The following CMTM8 variants were observed in gnomAD, a reference collection of about 807,000 sequenced individuals.
The protein encoded by CMTM8 is CKLF-like MARVEL transmembrane domain-containing protein 8.
A neutral mutation model predicts 18.6 loss-of-function variants in CMTM8; 12 were observed. The ratio of observed to expected loss-of-function variants is 0.65; its 90% CI spans 0.41 to 1.05. The LOEUF (loss-of-function observed/expected upper bound fraction) is 1.05, where lower values mean the gene tolerates loss of function less well. Ranked by LOEUF, CMTM8 falls within the 50% of genes least tolerant of loss-of-function variation. The pLI, the probability that CMTM8 is intolerant of heterozygous loss-of-function variation, is 0.00. For synonymous variants in CMTM8, 87 were observed against 90.6 expected (o/e 0.96, Z 0.23); for missense variants, 217 against 227.2 (o/e 0.95, Z 0.29).
At chr3:32,247,087 T>A (rs1431041878) in intron 1 of CMTM8, among the ~76,000 whole-genome samples, 1 of 152,096 alleles carries the variant, frequency 6.6e-6, no homozygotes, top group African/African-American at 2.4e-5. Context: ...CGTGACAGAG[T>A]GAGACTATGT....
chr3:32,253,675 G>T (rs369251884), intron 1 of CMTM8, among the ~76,000 whole-genome samples: 1 of 151,766 alleles, frequency 6.6e-6, no homozygotes, highest in African/African-American at 2.4e-5. Flanking sequence ...TAAACTAATC[G>T]TGGTAATTTA....
rs566916500 is a variant in CMTM8 at position 32,319,338 on chromosome 3, C to G, written c.148-38035C>G. Among the ~76,000 whole-genome samples, 480 of 151,784 alleles carry G rather than the reference C, an allele frequency of 3.2e-3. 6 individuals are homozygous for G. Among genetic ancestry groups the G allele is most frequent in the Admixed American group, 5.5e-3 (84 of 15,232 alleles). ...AGGTGATCCGCCCACCTCGGCCTCC[C>G]AAAGTCCTGGGATTACAGGCCTGAG... On this transcript the variant is annotated intron_variant, in intron 1 of 3. Coordinates refer to ENST00000307526, the MANE Select transcript of CMTM8 (RefSeq NM_178868.5).
chr3:32,281,075 C>T (rs1369693782), intron 1 of CMTM8, among the ~76,000 whole-genome samples: 1 of 152,080 alleles, frequency 6.6e-6, no homozygotes, highest in Non-Finnish European at 1.5e-5. Context: ...CCCCAAGCCC[C>T]ATCTCTGCAT....
At chr3:32,274,344 T>A (rs999801867) in intron 1 of CMTM8, among the ~76,000 whole-genome samples, 1 of 152,170 alleles carries the variant, frequency 6.6e-6, no homozygotes, top group Non-Finnish European at 1.5e-5. Context: ...TTGTTTCATT[T>A]GGGAGGATAC....
At chr3:32,256,368 C>G (rs1214875370) in intron 1 of CMTM8, among the ~76,000 whole-genome samples, 3 of 152,118 alleles carry the variant, frequency 2.0e-5, no homozygotes, top group African/African-American at 7.2e-5. Context: ...CTGTACCTGG[C>G]TGCATTCAGT....
chr3:32,345,132 C>G (rs1696571000), intron 1 of CMTM8, among the ~76,000 whole-genome samples: 1 of 152,060 alleles, frequency 6.6e-6, no homozygotes, highest in South Asian at 2.1e-4. Context: ...TCACTTGAGC[C>G]TAAGAGTTCA....
chr3:32,242,347 A>T (rs1559359447), intron 1 of CMTM8, among the ~76,000 whole-genome samples: 2 of 152,186 alleles, frequency 1.3e-5, no homozygotes, highest in African/African-American at 2.4e-5. Context: ...GTTTTGTTTG[A>T]GACAGTGTCT....
intron 1 of CMTM8, among the ~76,000 whole-genome samples, chr3:32,270,280 G>T (rs1050048394): frequency 6.6e-6 from 1 of 152,136 alleles, no homozygotes; most frequent in African/African-American, 2.4e-5. Context: ...TTAAGAAATA[G>T]AACATTACCA....
At chr3:32,359,902 T>G (rs936876669) in intron 2 of CMTM8, among the ~76,000 whole-genome samples, 1 of 152,148 alleles carries the variant, frequency 6.6e-6, no homozygotes, top group Non-Finnish European at 1.5e-5. Flanking sequence ...TTGCACAGAT[T>G]TACACACAGC....
intron 1 of CMTM8, among the ~76,000 whole-genome samples, chr3:32,280,845 G>GAA (rs1702596795): frequency 3.1e-5 from 1 of 32,696 alleles, no homozygotes; most frequent in Non-Finnish European, 6.0e-5. Flanking sequence ...GAGAAAATAG[G>GAA]CAAAAAAAAA....
chr3:32,323,567 G>A (rs578078522), intron 1 of CMTM8, among the ~76,000 whole-genome samples: 40 of 152,232 alleles, frequency 2.6e-4, no homozygotes, highest in East Asian at 1.9e-4. Context: ...ACCAGAGACC[G>A]AATCATCACA....
intron 1 of CMTM8, among the ~76,000 whole-genome samples, chr3:32,257,996 T>C (rs1394681626): frequency 6.6e-6 from 1 of 152,164 alleles, no homozygotes; most frequent in Non-Finnish European, 1.5e-5. Flanking sequence ...TTGAAGCATC[T>C]GGAAATCTCA....
intron 1 of CMTM8, among the ~76,000 whole-genome samples, chr3:32,318,727 T>C (rs1293454162): frequency 6.6e-6 from 1 of 151,536 alleles, no homozygotes; most frequent in Non-Finnish European, 1.5e-5. Context: ...CCACCACGCC[T>C]GGCTAATTTT....
rs1390000752 is a variant in CMTM8, at chr3:32,370,003, A to C, written c.*36A>C. 1 of 1,290,366 alleles carries C rather than the reference A, an allele frequency of 7.7e-7. No individual in the cohort carries two copies. Among genetic ancestry groups the C allele is most frequent in the African/African-American group, 1.5e-5 (1 of 68,688 alleles). 79.9% of individuals were successfully genotyped at this position (1,290,366 alleles called of 1,614,324 possible). ...TGATAATTAAAAGGAAAAAAAAAGG[A>C]AGACTCTCACTGTAAAAACAGCTGT... On this transcript the variant is annotated 3_prime_UTR_variant, in exon 4 of 4. Transcript: ENST00000307526.
At chr3:32,284,549 C>G (rs1408118394) in intron 1 of CMTM8, among the ~76,000 whole-genome samples, 1 of 152,144 alleles carries the variant, frequency 6.6e-6, no homozygotes, top group Non-Finnish European at 1.5e-5. Context: ...ATCCGAGTAG[C>G]CAACTATATA....
intron 1 of CMTM8, among the ~76,000 whole-genome samples, chr3:32,286,859 G>A (rs960083158): frequency 2.0e-5 from 3 of 152,238 alleles, no homozygotes; most frequent in South Asian, 2.1e-4. Context: ...TATGCAGCCC[G>A]AGGGCCGCAG....
chr3:32,247,227 A>AG (rs1417860059), intron 1 of CMTM8, among the ~76,000 whole-genome samples: 1 of 152,186 alleles, frequency 6.6e-6, no homozygotes, highest in Non-Finnish European at 1.5e-5. Flanking sequence ...ATATAATTAC[A>AG]TATAAAATTG....
At chr3:32,298,059 CT>C (rs61540438) in intron 1 of CMTM8, among the ~76,000 whole-genome samples, 15,197 of 138,422 alleles carry the variant, frequency 0.11, 1,172 homozygotes, top group African/African-American at 0.21. Context: ...TAACTAAAAA[CT>C]TTTTTTTTTT....
At chr3:32,279,304 A>C (rs1482231392) in intron 1 of CMTM8, among the ~76,000 whole-genome samples, 6 of 139,196 alleles carry the variant, frequency 4.3e-5, no homozygotes, top group African/African-American at 1.6e-4. Context: ...CATTAGGTAT[A>C]TCTCCCACTG....
Sources: gnomAD v4.1 joint callset for allele counts (sites outside exome capture counted in the v4.1 genomes callset) on GRCh38, gnomAD v4.1.1 for gene constraint, MANE v1.5 for transcripts, NCBI Gene and HGNC (gene_info 2026-07-23, HGNC 2026-07-21) for gene names.